Variants in PDZD2 observed in about 807,000 individuals in gnomAD.
PDZD2 encodes PDZ domain-containing protein 2.
A neutral mutation model predicts 220.7 loss-of-function variants in PDZD2; 90 were observed. That is an observed-to-expected ratio of 0.41 (90% CI 0.34 to 0.49). PDZD2 has a LOEUF of 0.49. Among genes scored for constraint, PDZD2 ranks in the 20% least tolerant of loss-of-function variants. The probability of loss-of-function intolerance (pLI) is 0.28; values close to 1 mark genes in which losing one functional copy is unlikely to be tolerated. For missense variants in PDZD2, 3,174 were observed against 3,608.5 expected (o/e 0.88, Z 3.08); for synonymous variants, 1,375 against 1,450.5 (o/e 0.95, Z 1.18).
intron 2 of PDZD2, among the ~76,000 whole-genome samples, chr5:31,974,214 C>T (rs1308445450): frequency 6.6e-6 from 1 of 152,188 alleles, no homozygotes; most frequent in Non-Finnish European, 1.5e-5. Flanking sequence ...CTCCCGACCT[C>T]AGGTGATCTG....
chr5:32,105,054 A>G (rs1423665981), intron 24 of PDZD2, among the ~76,000 whole-genome samples: 1 of 152,032 alleles, frequency 6.6e-6, no homozygotes, highest in Admixed American at 6.6e-5. Context: ...GAATCATTTG[A>G]GCCCAGGAGG....
chr5:31,716,553 A>G (rs1321246973), intron 1 of PDZD2, among the ~76,000 whole-genome samples: 1 of 152,234 alleles, frequency 6.6e-6, no homozygotes, highest in African/African-American at 2.4e-5. Flanking sequence ...CTGTAATGCC[A>G]GCACTTTGGG....
At chr5:32,052,550 C>G in intron 8 of PDZD2, 61 bp from the exon 9 acceptor site, 1 of 1,514,142 alleles carries the variant, frequency 6.6e-7, no homozygotes, top group Non-Finnish European at 9.2e-7. Context: ...TATTTTTCTG[C>G]CAGATACCAC....
At chr5:31,871,596 G>A (rs1178899900) in intron 2 of PDZD2, among the ~76,000 whole-genome samples, 2 of 151,886 alleles carry the variant, frequency 1.3e-5, no homozygotes, top group South Asian at 2.1e-4. Flanking sequence ...GATTACAGGC[G>A]TGTGCCACCA....
chr5:31,891,799 C>T (rs1354102121), intron 2 of PDZD2, among the ~76,000 whole-genome samples: 1 of 152,198 alleles, frequency 6.6e-6, no homozygotes, highest in Non-Finnish European at 1.5e-5. Flanking sequence ...CAGATCATGC[C>T]AGTGTGCTCA....
intron 2 of PDZD2, among the ~76,000 whole-genome samples, chr5:31,940,121 C>T (rs1305392561): frequency 6.6e-6 from 1 of 152,162 alleles, no homozygotes; most frequent in Non-Finnish European, 1.5e-5. Flanking sequence ...CCTACGGTGG[C>T]ACTGGGGGTG....
At chr5:31,654,612 C>T (rs1389259589) in intron 1 of PDZD2, among the ~76,000 whole-genome samples, 1 of 152,130 alleles carries the variant, frequency 6.6e-6, no homozygotes, top group Non-Finnish European at 1.5e-5. Context: ...AATTCTGATT[C>T]CCACCCTGCC....
chr5:31,904,628 C>T lies in PDZD2; in HGVS notation c.477-78527C>T, dbSNP rs1185110845. 5.9e-5 allele frequency among the ~76,000 whole-genome samples: 9 copies of T among 151,658 alleles called. No homozygotes were observed. The East Asian group carries it at 1.2e-3, about 20-fold the overall frequency. On this transcript the variant is annotated intron_variant, in intron 2 of 24. Coordinates refer to ENST00000438447, the MANE Select transcript of PDZD2 (RefSeq NM_178140.4). ...CTGCAAGCTCCGCCTCCTGGGTTCACACCATTCTCCTCCCTCAGCCTCCCA... is the reference window on the plus strand; with the variant it reads ...CTGCAAGCTCCGCCTCCTGGGTTCATACCATTCTCCTCCCTCAGCCTCCCA...
rs776203410 is a variant in PDZD2, at chr5:31,995,545, C to T, written c.979-31C>T. On this transcript the variant is annotated intron_variant, in intron 3 of 24. Coordinates refer to ENST00000438447, the MANE Select transcript of PDZD2 (RefSeq NM_178140.4). Reference sequence around the variant, plus strand: ...GTCAATGCCGTGTGTCTGTCAACCTCCTTCATGGTGTGCTCACTTTTTCTT... The same window carrying T: ...GTCAATGCCGTGTGTCTGTCAACCTTCTTCATGGTGTGCTCACTTTTTCTT... 2.5e-6 allele frequency: 4 copies of T among 1,613,778 alleles called. No homozygotes were observed. The South Asian group carries it at 4.4e-5, about 18-fold the overall frequency.
chr5:31,703,445 G>C (rs774839047), intron 1 of PDZD2, among the ~76,000 whole-genome samples: 16 of 152,084 alleles, frequency 1.1e-4, no homozygotes, highest in Non-Finnish European at 1.6e-4. Context: ...ATGGACACAG[G>C]GAGGGGAACA....
intron 1 of PDZD2, among the ~76,000 whole-genome samples, chr5:31,776,511 G>T (rs768157345): frequency 6.7e-6 from 1 of 150,088 alleles, no homozygotes; most frequent in Non-Finnish European, 1.5e-5. Context: ...GTAGAGACAG[G>T]TTACTTATGT....
intron 2 of PDZD2, among the ~76,000 whole-genome samples, chr5:31,970,816 T>C (rs764111344): frequency 3.3e-5 from 5 of 152,184 alleles, no homozygotes; most frequent in Non-Finnish European, 7.3e-5. Context: ...GTAAGACCTT[T>C]GACCTAGGAA....
At chr5:31,805,716 A>T (rs1754672955) in intron 2 of PDZD2, among the ~76,000 whole-genome samples, 1 of 152,204 alleles carries the variant, frequency 6.6e-6, no homozygotes, top group Non-Finnish European at 1.5e-5. Flanking sequence ...CATCTGTTGA[A>T]GTCCTAGCCC....
chr5:31,666,156 G>A (rs1745978780), intron 1 of PDZD2, among the ~76,000 whole-genome samples: 1 of 152,188 alleles, frequency 6.6e-6, no homozygotes, highest in Non-Finnish European at 1.5e-5. Context: ...GGGACATCGA[G>A]ATCGAGGCAG....
intron 2 of PDZD2, among the ~76,000 whole-genome samples, chr5:31,946,682 T>C (rs905324275): frequency 1.3e-5 from 2 of 152,168 alleles, no homozygotes; most frequent in African/African-American, 4.8e-5. Context: ...CCATAGATTA[T>C]TCTTTTTGTT....
chr5:31,960,774 TG>T (rs1370215288), intron 2 of PDZD2, among the ~76,000 whole-genome samples: 2 of 152,232 alleles, frequency 1.3e-5, no homozygotes, highest in African/African-American at 2.4e-5. Context: ...TAATTAGTGT[TG>T]TTTTTTTCAT....
intron 1 of PDZD2, among the ~76,000 whole-genome samples, chr5:31,695,322 A>G (rs1211270407): frequency 3.3e-5 from 5 of 152,198 alleles, no homozygotes; most frequent in African/African-American, 4.8e-5. Flanking sequence ...AACCTCAGTC[A>G]TCAAAGTCAA....
Position 31,802,322 on chromosome 5 carries a change from C to T in PDZD2, c.476+2598C>T, listed in dbSNP as rs374811225. Among the ~76,000 whole-genome samples the T allele has an allele frequency of 2.0e-5, 3 of 152,210 alleles. No individual in the cohort carries two copies. In the South Asian group the frequency reaches 6.2e-4, roughly 32 times the overall value. On this transcript the variant is annotated intron_variant, in intron 2 of 24. Coordinates refer to ENST00000438447, the MANE Select transcript of PDZD2 (RefSeq NM_178140.4). ...GAGCTAGTGTTATTGTTCCAGAAGCCCATAGAGGTTTAGTGGTGTTCCTGG... is the reference window on the plus strand; with the variant it reads ...GAGCTAGTGTTATTGTTCCAGAAGCTCATAGAGGTTTAGTGGTGTTCCTGG...
In PDZD2 at chr5:32,058,119, C is replaced by G. The variant is rs1194163921; in HGVS notation, c.2200+16C>G. On this transcript the variant is annotated intron_variant, in intron 12 of 24. Transcript: ENST00000438447. The stretch of plus-strand genomic sequence containing the variant: ...CTCAACAAAGGTGATAGCAGCTATT[C>G]CTTACCTTTGTCTCATTTCTTGAAT... 8.1e-7 allele frequency: 1 copy of G among 1,236,424 alleles called. No homozygotes were observed. 76.6% of individuals were successfully genotyped at this position (1,236,424 alleles called of 1,614,324 possible).
Sources: allele counts gnomAD v4.1 joint callset (sites outside exome capture counted in the v4.1 genomes callset), GRCh38; gene constraint gnomAD v4.1.1; transcripts MANE v1.5; gene names NCBI Gene and HGNC (gene_info 2026-07-23, HGNC 2026-07-21).